The following TCP1 variants were observed in gnomAD, a reference collection of about 807,000 sequenced individuals.
The protein encoded by TCP1 is t-complex 1.
In TCP1, 6 loss-of-function variants were observed where a neutral mutation model predicts 54.7. The ratio of observed to expected loss-of-function variants is 0.11; its 90% CI spans 0.06 to 0.22. The LOEUF (loss-of-function observed/expected upper bound fraction) is 0.22, where lower values mean the gene tolerates loss of function less well. TCP1 is among the 10% of genes least tolerant of loss of function. The probability of loss-of-function intolerance (pLI) is 1.00; values close to 1 mark genes in which losing one functional copy is unlikely to be tolerated. For missense variants in TCP1, 511 were observed against 678.2 expected, an observed-to-expected ratio of 0.75 and a Z score of 2.74; for synonymous variants, 225 against 229.7, an observed-to-expected ratio of 0.98 and a Z score of 0.19.
intron 6 of TCP1, 126 bp downstream of exon 6, chr6:159,784,540 G>A (rs1378057429): frequency 1.6e-5 from 15 of 966,790 alleles, no homozygotes; most frequent in South Asian, 5.1e-5. Context: ...TCCTGCCCTC[G>A]TGATCCACCT....
chr6:159,783,254 AAAGG>A (rs1193180820), intron 7 of TCP1, among the ~76,000 whole-genome samples: 1 of 152,190 alleles, frequency 6.6e-6, no homozygotes, highest in African/African-American at 2.4e-5. Flanking sequence ...TTGATGGAAG[AAAGG>A]ACACTTTGTT....
intron 1 of TCP1, 22 bp downstream of exon 1, chr6:159,789,382 AC>A (rs756759007): frequency 6.2e-7 from 1 of 1,612,724 alleles, no homozygotes; most frequent in Non-Finnish European, 8.5e-7. Flanking sequence ...CGCAAACCCG[AC>A]CCAGGCCCGG....
At chr6:159,784,876 G>A (rs1226721649) in intron 5 of TCP1, 29 bp from the exon 6 acceptor site, 1 of 1,611,898 alleles carries the variant, frequency 6.2e-7, no homozygotes, top group Middle Eastern at 1.7e-4. Flanking sequence ...ACAGTAACAG[G>A]TTTGGAATGG....
In TCP1 at chr6:159,785,090, C is replaced by T. The variant is rs1349895144; in HGVS notation, c.489-243G>A. The T allele has an allele frequency of 6.7e-6, 4 of 598,656 alleles. No homozygotes were observed. In the South Asian group the frequency reaches 8.1e-5, roughly 12 times the overall value. The allele number at this position is 598,656 out of a possible 1,614,324, so 37.1% of individuals were successfully genotyped here. ...AAGGCAACAGGTAATTTCAATACAGCATTACTCCTCTCTATTGATATCAAT... is the reference window on the plus strand; with the variant it reads ...AAGGCAACAGGTAATTTCAATACAGTATTACTCCTCTCTATTGATATCAAT... On this transcript the variant is annotated intron_variant, in intron 5 of 11. Coordinates refer to ENST00000321394, the MANE Select transcript of TCP1 (RefSeq NM_030752.3).
chr6:159,783,842 C>A, intron 7 of TCP1, 99 bp downstream of exon 7: 1 of 1,452,708 alleles, frequency 6.9e-7, no homozygotes. Flanking sequence ...CACCACCAGG[C>A]TAATTTTTCT....
chr6:159,779,656 C>T lies in TCP1; in HGVS notation c.1425G>A (p.Gln475=), dbSNP rs1008514687. The T allele has an allele frequency of 3.6e-5, 58 of 1,611,544 alleles. No individual in the cohort carries two copies. Among genetic ancestry groups the T allele is most frequent in the Non-Finnish European group, 4.7e-5 (55 of 1,179,398 alleles). The part of the protein sequence containing the change: ...AKLRAFHNEA[Q]VNPERKNLKW... ...TTAGATTTTTACGTTCTGGGTTAAC[C>T]TGGGCCTCATTATGAAAAGCTCTTA... The change falls in exon 11 of 12, where the codon CAG becomes CAA. Residue 475 remains glutamine (Q), a synonymous_variant. Coordinates refer to ENST00000321394, the MANE Select transcript of TCP1 (RefSeq NM_030752.3).
intron 8 of TCP1, 26 bp from the exon 9 acceptor site, chr6:159,780,592 G>A (rs756435265): frequency 1.2e-6 from 2 of 1,602,590 alleles, no homozygotes; most frequent in South Asian, 2.3e-5. Flanking sequence ...CAAAGGATCT[G>A]TGAATATTGC....
At position 159,781,138 on chromosome 6, in the gene TCP1, A is replaced by C. The variant is rs772228673; in HGVS notation, c.798-28T>G. The C allele has an allele frequency of 1.1e-5, 17 of 1,512,886 alleles. No individual in the cohort carries two copies. The Admixed American group carries it at 3.5e-4, about 32-fold the overall frequency. 93.7% of individuals were successfully genotyped at this position (1,512,886 alleles called of 1,614,324 possible). ...GCAAAGTATTTTTGTAACCTGAGTTACCTTCTGTGATTTTTAAAAATAATT... is the reference window on the plus strand; with the variant it reads ...GCAAAGTATTTTTGTAACCTGAGTTCCCTTCTGTGATTTTTAAAAATAATT... On this transcript the variant is annotated intron_variant, in intron 7 of 11. Transcript: ENST00000321394.
Position 159,789,506 on chromosome 6 carries a change from C to G in TCP1, c.-38G>C, listed in dbSNP as rs553030375. 2 of 1,613,106 alleles carry G rather than the reference C, an allele frequency of 1.2e-6. No homozygotes were observed. The highest frequency in any genetic ancestry group is 1.7e-5 in the Admixed American group (1 of 60,010). ...GATACACGTCGAATTCTGCTTACAC[C>G]GCGGGCAACCAGTATCGCGGCCCCT... On this transcript the variant is annotated 5_prime_UTR_variant, in exon 1 of 12. Coordinates refer to ENST00000321394, the MANE Select transcript of TCP1 (RefSeq NM_030752.3).
intron 5 of TCP1, 68 bp downstream of exon 5, chr6:159,785,318 C>T: frequency 1.7e-6 from 2 of 1,207,190 alleles, no homozygotes; most frequent in Non-Finnish European, 2.4e-6. Context: ...CAGGCACATA[C>T]CACCATGCCC....
intron 3 of TCP1, among the ~76,000 whole-genome samples, chr6:159,786,538 A>G (rs4709369): frequency 0.88 from 133,458 of 152,282 alleles, 59,017 homozygotes; most frequent in African/African-American, 0.97. Flanking sequence ...ACCTATATTA[A>G]GCTATTATTT....
At chr6:159,786,960 G>A (rs555871301) in intron 3 of TCP1, among the ~76,000 whole-genome samples, 1 of 151,622 alleles carries the variant, frequency 6.6e-6, no homozygotes, top group East Asian at 1.9e-4. Context: ...TTAAAAAATA[G>A]AACAGGCTGA....
chr6:159,784,066 G>A lies in TCP1; in HGVS notation c.672C>T (p.Gly224=). The part of the protein sequence containing the change: ...YALNCVVGSQ[G]MPKRIVNAKI... ...TTGCATTTACGATTCTCTTGGGCAT[G>A]CCTACAATTGAACATAAGATTAAGT... Residue 224 remains glycine (G), a splice_region_variant and synonymous_variant, in exon 7 of 12, where the codon GGC becomes GGT. Transcript: ENST00000321394. 6.2e-7 allele frequency: 1 copy of A among 1,612,162 alleles called. No homozygotes were observed. The highest frequency in any genetic ancestry group is 8.5e-7 in the Non-Finnish European group (1 of 1,179,446).
chr6:159,783,133 C>T (rs1236932758), intron 7 of TCP1, among the ~76,000 whole-genome samples: 1 of 152,046 alleles, frequency 6.6e-6, no homozygotes, highest in East Asian at 1.9e-4. Flanking sequence ...CAGGAAGAAT[C>T]CAGGAAAGAG....
chr6:159,778,905 G>T lies in TCP1; in HGVS notation c.*140C>A. The T allele has an allele frequency of 6.3e-7, 1 of 1,594,144 alleles. No homozygotes were observed. ...TAGGTTGCAATATGTGAAATCAGAG[G>T]ACCAAAGTACAGATGGAAACCATTT... On this transcript the variant is annotated 3_prime_UTR_variant, in exon 12 of 12. Transcript: ENST00000321394.
chr6:159,783,757 TAG>T (rs200448444), intron 7 of TCP1, among the ~76,000 whole-genome samples, 182 bp downstream of exon 7: 1,689 of 152,292 alleles, frequency 0.011, 18 homozygotes, highest in Middle Eastern at 0.075. Flanking sequence ...TTAATATTAA[TAG>T]ACTCATACAA....
Position 159,785,420 on chromosome 6 carries a change from C to A in TCP1, c.454G>T (p.Ala152Ser). ...ELGRDCLINAAKTSMSSKIIG... is the reference protein window; with the variant it reads ...ELGRDCLINASKTSMSSKIIG... ...ATTTTGGAAGACATGGATGTCTTAG[C>A]AGCATTAATCAGGCAATCTCTTCCC... is the stretch of plus-strand genomic sequence containing the variant. The change falls in exon 5 of 12, where the codon GCT (alanine) becomes TCT (serine). Residue 152 changes from alanine to serine, a missense_variant. Physicochemically the swap from Ala to Ser is moderately conservative, Grantham distance 99 (BLOSUM62 1). Coordinates refer to ENST00000321394, the MANE Select transcript of TCP1 (RefSeq NM_030752.3). 6.2e-7 allele frequency: 1 copy of A among 1,613,004 alleles called. No individual in the cohort carries two copies. Among genetic ancestry groups the A allele is most frequent in the Non-Finnish European group, 8.5e-7 (1 of 1,179,942 alleles).
At chr6:159,784,297 AAC>A (rs1780642857) in intron 6 of TCP1, among the ~76,000 whole-genome samples, 2 of 150,692 alleles carry the variant, frequency 1.3e-5, no homozygotes, top group Admixed American at 6.6e-5. Context: ...TCCACAAAAA[AAC>A]ATTTTTTATT....
intron 7 of TCP1, among the ~76,000 whole-genome samples, chr6:159,782,743 A>G (rs993795950): frequency 6.6e-6 from 1 of 152,094 alleles, no homozygotes; most frequent in African/African-American, 2.4e-5. Flanking sequence ...TTAGAGAAAC[A>G]GCTGAAAGAG....
Sources: gnomAD v4.1 joint callset for allele counts (sites outside exome capture counted in the v4.1 genomes callset) on GRCh38, gnomAD v4.1.1 for gene constraint, MANE v1.5 for transcripts, NCBI Gene and HGNC (gene_info 2026-07-23, HGNC 2026-07-21) for gene names.